Variants in PARD3B observed in about 807,000 individuals in gnomAD.
PARD3B encodes par-3 family cell polarity regulator beta.
Under a neutral mutation model 130.2 loss-of-function variants are expected in PARD3B, and 103 were observed. That is an observed-to-expected ratio of 0.79 (90% CI 0.67 to 0.93). The LOEUF is 0.93. PARD3B is among the 40% of genes least tolerant of loss of function. The pLI, the probability that PARD3B is intolerant of heterozygous loss-of-function variation, is 0.00. For synonymous variants in PARD3B, 583 were observed against 553.2 expected (o/e 1.05, Z -0.76); for missense variants, 1,609 against 1,499.2 (o/e 1.07, Z -1.21).
chr2:205,536,367 T>G (rs1273132611), intron 21 of PARD3B, among the ~76,000 whole-genome samples: 1 of 152,130 alleles, frequency 6.6e-6, no homozygotes, highest in Non-Finnish European at 1.5e-5. Context: ...TGCATTCTCC[T>G]GCTCCCACTC....
intron 2 of PARD3B, among the ~76,000 whole-genome samples, chr2:204,898,101 A>T (rs1392242646): frequency 6.6e-6 from 1 of 151,692 alleles, no homozygotes; most frequent in Non-Finnish European, 1.5e-5. Flanking sequence ...GGTAAATTTT[A>T]TGTATATTTT....
At chr2:204,737,174 G>C (rs1394551984) in intron 2 of PARD3B, among the ~76,000 whole-genome samples, 1 of 152,212 alleles carries the variant, frequency 6.6e-6, no homozygotes, top group Non-Finnish European at 1.5e-5. Context: ...GTTTCTCCAT[G>C]TTGGTCAGGC....
intron 16 of PARD3B, among the ~76,000 whole-genome samples, chr2:205,299,802 G>T (rs2041930421): frequency 6.6e-6 from 1 of 152,048 alleles, no homozygotes; most frequent in African/African-American, 2.4e-5. Context: ...TGCATTAAAA[G>T]GTTGCCTCTT....
At chr2:204,650,658 A>G (rs2035445533) in intron 1 of PARD3B, among the ~76,000 whole-genome samples, 1 of 152,144 alleles carries the variant, frequency 6.6e-6, no homozygotes, top group African/African-American at 2.4e-5. Flanking sequence ...CAGAAAACCA[A>G]ATACTGCATG....
intron 2 of PARD3B, among the ~76,000 whole-genome samples, chr2:204,829,173 A>G (rs533270801): frequency 3.3e-5 from 5 of 152,230 alleles, no homozygotes; most frequent in Non-Finnish European, 5.9e-5. Context: ...TATAGCAGCA[A>G]TGTAAGGAAT....
At chr2:205,272,417 T>G (rs1035015411) in intron 16 of PARD3B, among the ~76,000 whole-genome samples, 1 of 152,208 alleles carries the variant, frequency 6.6e-6, no homozygotes, top group African/African-American at 2.4e-5. Flanking sequence ...TAGCTGGTGT[T>G]AAAATAGGTA....
intron 4 of PARD3B, among the ~76,000 whole-genome samples, chr2:205,074,401 C>T (rs1700916038): frequency 6.6e-6 from 1 of 152,288 alleles, no homozygotes; most frequent in East Asian, 1.9e-4. Flanking sequence ...TCATCTAATT[C>T]TACCTTGATG....
At chr2:205,020,016 A>G (rs1302029621) in intron 3 of PARD3B, among the ~76,000 whole-genome samples, 1 of 152,100 alleles carries the variant, frequency 6.6e-6, no homozygotes, top group African/African-American at 2.4e-5. Context: ...TTTCCAGCAC[A>G]AAGCTGTTGC....
chr2:204,820,058 A>G (rs1208627172), intron 2 of PARD3B, among the ~76,000 whole-genome samples: 2 of 146,778 alleles, frequency 1.4e-5, no homozygotes, highest in East Asian at 4.1e-4. Flanking sequence ...AGGTGGCTAC[A>G]TTAAACAATA....
chr2:205,394,049 CAATT>C (rs1433576195), intron 18 of PARD3B, among the ~76,000 whole-genome samples: 1 of 152,114 alleles, frequency 6.6e-6, no homozygotes, highest in Non-Finnish European at 1.5e-5. Context: ...ATTTACCTGA[CAATT>C]TATGTTGTTA....
At chr2:205,228,732 A>T (rs1462372692) in intron 15 of PARD3B, among the ~76,000 whole-genome samples, 1 of 152,118 alleles carries the variant, frequency 6.6e-6, no homozygotes, top group Non-Finnish European at 1.5e-5. Flanking sequence ...TTTAAGGCCA[A>T]TAACTCTTAG....
chr2:204,679,191 A>T (rs563850520), intron 1 of PARD3B, among the ~76,000 whole-genome samples: 1 of 152,128 alleles, frequency 6.6e-6, no homozygotes, highest in Non-Finnish European at 1.5e-5. Flanking sequence ...TATACATTCT[A>T]CTGGTTACGA....
At chr2:204,764,715 C>CGTGTGT (rs10522212) in intron 2 of PARD3B, among the ~76,000 whole-genome samples, 133 of 145,740 alleles carry the variant, frequency 9.1e-4, no homozygotes, top group Middle Eastern at 3.5e-3. Flanking sequence ...GGCATGCATG[C>CGTGTGT]GTGTGTGTGT....
Position 205,321,499 on chromosome 2 carries a change from C to A in PARD3B, c.2630+19798C>A, listed in dbSNP as rs868421277. Among the ~76,000 whole-genome samples the A allele has an allele frequency of 3.3e-5, 5 of 152,096 alleles. No homozygotes were observed. The highest frequency in any genetic ancestry group is 2.0e-4 in the Admixed American group (3 of 15,262). Reference sequence around the variant, plus strand: ...CTTTCCCTCTCTCTCTCTCTCCCCCCGCCCATATGAATGTATATGCACAAA... The same window carrying A: ...CTTTCCCTCTCTCTCTCTCTCCCCCAGCCCATATGAATGTATATGCACAAA... On this transcript the variant is annotated intron_variant, in intron 18 of 22. Transcript: ENST00000406610. This position sits in a 1 kb window ranked among gnomAD's most constrained non-coding sequence, Gnocchi z 4.2.
intron 10 of PARD3B, among the ~76,000 whole-genome samples, chr2:205,132,945 A>G (rs2032143959): frequency 6.6e-6 from 1 of 152,146 alleles, no homozygotes; most frequent in Non-Finnish European, 1.5e-5. Flanking sequence ...AAAGCTACGC[A>G]TTACTAAAGT....
At chr2:205,378,942 T>C (rs2045192897) in intron 18 of PARD3B, among the ~76,000 whole-genome samples, 1 of 152,032 alleles carries the variant, frequency 6.6e-6, no homozygotes, top group Non-Finnish European at 1.5e-5. Flanking sequence ...TTTTTTTTCT[T>C]TCTTTTTTAA....
chr2:204,840,507 A>C (rs552733127), intron 2 of PARD3B, among the ~76,000 whole-genome samples: 1 of 150,862 alleles, frequency 6.6e-6, no homozygotes. Flanking sequence ...TTTAAAAAAG[A>C]AGTGAATAAA....
intron 2 of PARD3B, among the ~76,000 whole-genome samples, chr2:204,944,417 A>G (rs1384741639): frequency 1.3e-5 from 2 of 152,166 alleles, no homozygotes; most frequent in Admixed American, 6.5e-5. Flanking sequence ...GTAAATAGCA[A>G]TCCATCAAGC....
At position 205,291,156 on chromosome 2, in the gene PARD3B, A is replaced by G. The variant is rs185471085; in HGVS notation, c.2186-9374A>G. ...GGAGGCTGAAAGAGTTTTTAAGTGC[A>G]TGCTTAAAAAAGCCCACATTGTCAT... On this transcript the variant is annotated intron_variant, in intron 16 of 22. Transcript: ENST00000406610. This position sits in a 1 kb window ranked among gnomAD's most constrained non-coding sequence, Gnocchi z 4.6. 2.0e-5 allele frequency among the ~76,000 whole-genome samples: 3 copies of G among 152,188 alleles called. No individual in the cohort carries two copies. The highest frequency in any genetic ancestry group is 4.1e-4 in the South Asian group (2 of 4,828).
Sources: gnomAD v4.1 joint callset for allele counts (sites outside exome capture counted in the v4.1 genomes callset) on GRCh38, gnomAD v4.1.1 for gene constraint, Gnocchi (gnomAD v3.1) non-coding constraint, MANE v1.5 for transcripts, NCBI Gene and HGNC (gene_info 2026-07-23, HGNC 2026-07-21) for gene names.